Variants in NOX1 observed in about 807,000 individuals in gnomAD.
The protein encoded by NOX1 is NADH/NADPH mitogenic oxidase subunit P65-MOX.
A neutral mutation model predicts 42.5 loss-of-function variants in NOX1; 34 were observed. The ratio of observed to expected loss-of-function variants is 0.80; its 90% confidence interval spans 0.61 to 1.07. NOX1 has a LOEUF of 1.07. Among genes scored for constraint, NOX1 ranks in the 50% least tolerant of loss-of-function variants. NOX1 has a pLI of 0.00. For synonymous variants in NOX1, 143 were observed against 152.5 expected (o/e 0.94, Z 0.46); for missense variants, 408 against 427.0 (o/e 0.96, Z 0.39).
Position 100,850,399 on chromosome X carries a change from C to A in NOX1, c.898-13G>T. On this transcript the variant is annotated splice_polypyrimidine_tract_variant and intron_variant, in intron 8 of 12. Transcript: ENST00000372966. ...GGTGCATAACAACCTGTGAATGAAG[C>A]ACATAGACCAAAGAAAGCAAACTCT... 2 of 1,086,412 alleles carry A rather than the reference C, an allele frequency of 1.8e-6. No homozygotes were observed. Among genetic ancestry groups the A allele is most frequent in the Non-Finnish European group, 2.5e-6 (2 of 804,739 alleles). 89.5% of individuals were successfully genotyped at this position (1,086,412 alleles called of 1,213,427 possible).
intron 7 of NOX1, chrX:100,856,040 T>C (rs1042241608): frequency 3.0e-5 from 33 of 1,101,688 alleles, no homozygotes; most frequent in Non-Finnish European, 3.6e-5. Flanking sequence ...TTCCGTGTCT[T>C]CTTTAATGCC....
In NOX1 at chrX:100,843,570, C is replaced by G. The variant is rs144272411; in HGVS notation, c.*382G>C. ...AAATCTTCTGTGGGGGTGGGAGGGA[C>G]AAAAGATTACAAACCAAAACTCAGG... On this transcript the variant is annotated 3_prime_UTR_variant, in exon 13 of 13. Transcript: ENST00000372966. 11 of 771,051 alleles carry G rather than the reference C, an allele frequency of 1.4e-5. No individual in the cohort carries two copies. In the East Asian group the frequency reaches 4.6e-4, roughly 32 times the overall value. 63.5% of individuals were successfully genotyped at this position (771,051 alleles called of 1,213,427 possible). A position where few individuals can be genotyped will look rare whatever the true frequency, so the allele number is the denominator to read the frequency against.
intron 7 of NOX1, among the ~76,000 whole-genome samples, chrX:100,853,370 TCTTC>T (rs1315483769): frequency 6.6e-5 from 5 of 76,327 alleles, no homozygotes; most frequent in African/African-American, 9.6e-5. Context: ...TTCTTTCTTT[TCTTC>T]CTTCCTTCCT....
chrX:100,858,874 C>T (rs2085184789), intron 7 of NOX1, among the ~76,000 whole-genome samples: 1 of 111,444 alleles, frequency 9.0e-6, no homozygotes, highest in African/African-American at 3.3e-5. Context: ...ATATTGTCTG[C>T]AAACAGGGAT....
At chrX:100,867,262 C>T (rs772689251) in intron 2 of NOX1, among the ~76,000 whole-genome samples, 3 of 111,364 alleles carry the variant, frequency 2.7e-5, no homozygotes, top group African/African-American at 6.5e-5. Context: ...CCTCGTGATC[C>T]GCCCGCCTCG....
At chrX:100,857,381 T>C (rs913987995) in intron 7 of NOX1, among the ~76,000 whole-genome samples, 19 of 112,034 alleles carry the variant, frequency 1.7e-4, no homozygotes, top group African/African-American at 5.8e-4. Flanking sequence ...TTATATTCCT[T>C]TGGGTATATA....
rs367753053 is a variant in NOX1, at chrX:100,862,517, T to G, written c.546A>C (p.Thr182=). ...AAGTTACCATGAGAATCAAGGCTAT[T>G]GTCATGATCACTCCAGTGAGACCAG... The part of the protein sequence containing the change: ...SIAGLTGVIM[T]IALILMVTSA... Residue 182 remains threonine, a synonymous_variant, in exon 6 of 13, where the codon ACA becomes ACC. Transcript: ENST00000372966. 3.9e-5 allele frequency: 47 copies of G among 1,208,549 alleles called. No homozygotes were observed. The highest frequency in any genetic ancestry group is 1.7e-4 in the African/African-American group (10 of 57,150).
Position 100,843,810 on chromosome X carries a change from C to T in NOX1, c.*142G>A. On this transcript the variant is annotated 3_prime_UTR_variant, in exon 13 of 13. Coordinates refer to ENST00000372966, the MANE Select transcript of NOX1 (RefSeq NM_007052.5). ...GAAGCTCAAGTAACGAAGTTGAATGCAATCAAAAAAAGAATACCAGGGAGT... is the reference window on the plus strand; with the variant it reads ...GAAGCTCAAGTAACGAAGTTGAATGTAATCAAAAAAAGAATACCAGGGAGT... 2.1e-6 allele frequency: 1 copy of T among 471,945 alleles called. No homozygotes were observed. Among genetic ancestry groups the T allele is most frequent in the Non-Finnish European group, 3.5e-6 (1 of 286,861 alleles). The allele number at this position is 471,945 out of a possible 1,213,427, so 38.9% of individuals were successfully genotyped here. A position where few individuals can be genotyped will look rare whatever the true frequency, so the allele number is the denominator to read the frequency against.
Position 100,862,574 on chromosome X carries a change from C to T in NOX1, c.490-1G>A, listed in dbSNP as rs1485976653. 1.7e-6 allele frequency: 2 copies of T among 1,204,866 alleles called. No homozygotes were observed. Among genetic ancestry groups the T allele is most frequent in the Admixed American group, 2.2e-5 (1 of 45,680 alleles). Reference sequence around the variant, plus strand: ...TGGTGAATGTCACATACTCCACTGTCTGTGAAAGGAGAAATGTCAGCCTGA... The same window carrying T: ...TGGTGAATGTCACATACTCCACTGTTTGTGAAAGGAGAAATGTCAGCCTGA... On this transcript the variant is annotated splice_acceptor_variant, in intron 5 of 12. Transcript: ENST00000372966. LOFTEE classifies it high-confidence loss of function.
chrX:100,867,595 G>A (rs1194456234), intron 2 of NOX1, among the ~76,000 whole-genome samples: 1 of 111,714 alleles, frequency 9.0e-6, no homozygotes, highest in Non-Finnish European at 1.9e-5. Context: ...GCCAGGCTTG[G>A]TGGCGCACAC....
chrX:100,845,759 G>A (rs1429786761), intron 12 of NOX1, among the ~76,000 whole-genome samples: 3 of 103,502 alleles, frequency 2.9e-5, no homozygotes, highest in Non-Finnish European at 5.9e-5. Context: ...GGGATTACAG[G>A]TGCCCGCCAC....
chrX:100,849,741 G>A (rs746076168), intron 10 of NOX1, 31 bp downstream of exon 10: 24 of 1,172,092 alleles, frequency 2.0e-5, no homozygotes, highest in Non-Finnish European at 2.6e-5. Context: ...TCAGACTCAG[G>A]CCAGAAGAAA....
chrX:100,863,387 C>T, intron 3 of NOX1, 98 bp downstream of exon 3: 1 of 1,019,184 alleles, frequency 9.8e-7, no homozygotes, highest in Non-Finnish European at 1.4e-6. Flanking sequence ...AGACTTCTAG[C>T]TTCCATTCCT....
intron 7 of NOX1, among the ~76,000 whole-genome samples, chrX:100,853,928 A>G (rs1346890004): frequency 8.9e-6 from 1 of 112,071 alleles, no homozygotes; most frequent in Non-Finnish European, 1.9e-5. Flanking sequence ...GGATCACCTG[A>G]GGTCAGGAGT....
chrX:100,867,522 T>C (rs2085246423), intron 2 of NOX1, among the ~76,000 whole-genome samples: 1 of 112,187 alleles, frequency 8.9e-6, no homozygotes, highest in South Asian at 3.7e-4. Context: ...TATGCAGTTA[T>C]GCAGTGATGG....
rs770225799 is a variant in NOX1 at position 100,874,177 on chromosome X, G to T, written c.-38C>A. On this transcript the variant is annotated 5_prime_UTR_variant, in exon 1 of 13. Transcript: ENST00000372966. ...GTTTGGAGCCCTTCTAGGCAACAGG[G>T]AAGATTCAGCAATCCGGATTCTGGA... 3.0e-5 allele frequency: 32 copies of T among 1,052,158 alleles called. No individual in the cohort carries two copies. In the South Asian group the frequency reaches 6.2e-4, roughly 20 times the overall value. The allele number at this position is 1,052,158 out of a possible 1,213,427, so 86.7% of individuals were successfully genotyped here.
intron 7 of NOX1, among the ~76,000 whole-genome samples, chrX:100,853,308 T>TCTCTC (rs1569445639): frequency 3.6e-5 from 3 of 83,291 alleles, no homozygotes; most frequent in African/African-American, 1.5e-4. Context: ...CTTTCTTTCT[T>TCTCTC]TCTTTCTTTC....
rs773070615 is a variant in NOX1 at position 100,863,570 on chromosome X, G to A, written c.167C>T (p.Ser56Phe). 2.5e-6 allele frequency: 3 copies of A among 1,208,295 alleles called. No individual in the cohort carries two copies. Among genetic ancestry groups the A allele is most frequent in the Admixed American group, 4.4e-5 (2 of 45,421 alleles). ...LGSTLACARA[S>F]ALCLNFNSTL... is the part of the protein sequence containing the mutation. ...GCTGTTAAAATTCAAGCAGAGAGCA[G>A]ACGCTCGGGCACAGGCCAATGTTGA... The change falls in exon 3 of 13, where the codon TCT (serine) becomes TTT (phenylalanine). Residue 56 changes from serine (S) to phenylalanine (F), a missense_variant. Physicochemically the swap from Ser to Phe is radical, Grantham distance 155. Coordinates refer to ENST00000372966, the MANE Select transcript of NOX1 (RefSeq NM_007052.5).
intron 12 of NOX1, among the ~76,000 whole-genome samples, chrX:100,846,638 CCTCT>C (rs751505866): frequency 9.1e-6 from 1 of 110,217 alleles, no homozygotes; most frequent in African/African-American, 3.3e-5. Context: ...TCTCTCCCTC[CCTCT>C]CTCTCTCTCT....
Sources: gnomAD v4.1 joint callset for allele counts (sites outside exome capture counted in the v4.1 genomes callset) on GRCh38, gnomAD v4.1.1 for gene constraint, MANE v1.5 for transcripts, NCBI Gene and HGNC (gene_info 2026-07-23, HGNC 2026-07-21) for gene names.